The following UNC13D variants were observed in gnomAD, a reference collection of about 807,000 sequenced individuals.
UNC13D encodes protein unc-13 homolog D.
UNC13D carries 115 observed loss-of-function variants against 151.7 expected under a neutral mutation model. The ratio of observed to expected loss-of-function variants is 0.76; its 90% confidence interval spans 0.65 to 0.88. The LOEUF is 0.88. Ranked by LOEUF, UNC13D falls within the 40% of genes least tolerant of loss-of-function variation. The pLI is 0.00. For missense variants in UNC13D, 1,369 were observed against 1,438.7 expected (o/e 0.95, Z 0.78); for synonymous variants, 588 against 612.2 (o/e 0.96, Z 0.58).
In UNC13D at chr17:75,836,792, C is replaced by G; in HGVS notation, c.1173+9G>C. 2 of 1,613,856 alleles carry G rather than the reference C, an allele frequency of 1.2e-6. No individual in the cohort carries two copies. The highest frequency in any genetic ancestry group is 1.7e-6 in the Non-Finnish European group (2 of 1,180,024). On this transcript the variant is annotated intron_variant, in intron 13 of 31. Coordinates refer to ENST00000207549, the MANE Select transcript of UNC13D (RefSeq NM_199242.3). ...GCCTGCTCAGTGCCCCTTGCCACTG[C>G]ATGCCTACCTGTTCTGCCTTGAGCC...
chr17:75,830,631 C>T lies in UNC13D; in HGVS notation c.2656G>A (p.Ala886Thr), dbSNP rs1422010705. The T allele has an allele frequency of 6.4e-7, 1 of 1,555,954 alleles. No homozygotes were observed. Among genetic ancestry groups the T allele is most frequent in the African/African-American group, 1.4e-5 (1 of 73,404 alleles). ...TTCCGGATGAGTTCCCGGCTGGAGG[C>T]CGCCTGCAGCTCCAGGTCCCTCTGC... ...ALQRDLELQA[A>T]SSRELIRKYF... The change falls in exon 28 of 32, where the codon GCC becomes ACC. Residue 886 changes from alanine to threonine, a missense_variant. By Grantham distance (58) the Ala-to-Thr change is moderately conservative. Transcript: ENST00000207549.
chr17:75,839,008 G>A (rs778120756), intron 12 of UNC13D, among the ~76,000 whole-genome samples: 28 of 152,160 alleles, frequency 1.8e-4, no homozygotes, highest in South Asian at 1.2e-3. Flanking sequence ...GCTGAGGCAG[G>A]AGAATGGCGT....
intron 27 of UNC13D, 61 bp downstream of exon 27, chr17:75,831,037 G>A: frequency 3.1e-6 from 5 of 1,593,612 alleles, no homozygotes; most frequent in Non-Finnish European, 2.6e-6. Flanking sequence ...CTGGACATAG[G>A]TGAGTGCCAA....
Position 75,827,805 on chromosome 17 carries a change from G to T in UNC13D, c.*160C>A. The T allele has an allele frequency of 6.7e-7, 1 of 1,483,480 alleles. No individual in the cohort carries two copies. Among genetic ancestry groups the T allele is most frequent in the South Asian group, 1.3e-5 (1 of 76,730 alleles). The allele number at this position is 1,483,480 out of a possible 1,614,324, so 91.9% of individuals were successfully genotyped here. A position where few individuals can be genotyped will look rare whatever the true frequency, so the allele number is the denominator to read the frequency against. On this transcript the variant is annotated 3_prime_UTR_variant, in exon 32 of 32. Coordinates refer to ENST00000207549, the MANE Select transcript of UNC13D (RefSeq NM_199242.3). The stretch of plus-strand genomic sequence containing the variant: ...CGCTGCTGAGCCCCCATCACCATGG[G>T]AGGCAGGGGAGGTCTGCACTCTGGG...
At chr17:75,834,560 C>T in intron 22 of UNC13D, 29 bp from the exon 23 acceptor site, 2 of 1,609,178 alleles carry the variant, frequency 1.2e-6, no homozygotes, top group Non-Finnish European at 1.7e-6. Flanking sequence ...GCTTCCTGAA[C>T]TGTGCCCAGG....
chr17:75,838,518 C>T (rs972508656), intron 12 of UNC13D, among the ~76,000 whole-genome samples: 1 of 151,876 alleles, frequency 6.6e-6, no homozygotes, highest in Non-Finnish European at 1.5e-5. Flanking sequence ...CGTGCCCGGC[C>T]GGCTATGTCC....
At chr17:75,835,120 C>G (rs1470395974) in intron 20 of UNC13D, 57 bp from the exon 21 acceptor site, 2 of 1,603,608 alleles carry the variant, frequency 1.2e-6, no homozygotes, top group Non-Finnish European at 1.7e-6. Context: ...TCCCTCCTTC[C>G]TTCATTCATA....
intron 6 of UNC13D, 84 bp downstream of exon 6, chr17:75,842,349 G>T: frequency 1.3e-6 from 2 of 1,534,648 alleles, no homozygotes; most frequent in South Asian, 2.5e-5. Flanking sequence ...GAGCCAGGAC[G>T]ACCTACTCAT....
chr17:75,843,532 G>A lies in UNC13D; in HGVS notation c.118-13C>T. 1.2e-6 allele frequency: 2 copies of A among 1,611,236 alleles called. No individual in the cohort carries two copies. Among genetic ancestry groups the A allele is most frequent in the Non-Finnish European group, 1.7e-6 (2 of 1,179,256 alleles). On this transcript the variant is annotated splice_polypyrimidine_tract_variant and intron_variant, in intron 1 of 31. Coordinates refer to ENST00000207549, the MANE Select transcript of UNC13D (RefSeq NM_199242.3). ...ATGGAGGCTGGATCTGCAGAGCAAG[G>A]TGGAAAGGCAGTGTCCCGGGAGGCC... is the stretch of plus-strand genomic sequence containing the variant.
Position 75,841,135 on chromosome 17 carries a change from CTT to C in UNC13D, c.570-136_570-135del, listed in dbSNP as rs34691954. 0.091 allele frequency: 24,826 copies of C among 273,110 alleles called. 154 individuals are homozygous for C. Among genetic ancestry groups the C allele is most frequent in the African/African-American group, 0.2 (4,261 of 21,148 alleles). 16.9% of individuals were successfully genotyped at this position (273,110 alleles called of 1,614,324 possible). A position where few individuals can be genotyped will look rare whatever the true frequency, so the allele number is the denominator to read the frequency against. ...AACTTCCCTCCTCCCAGCCGCATCCCTTTTTTTTTTTTTTTTTTTTTTTTTGA... is the reference window on the plus strand; with the variant it reads ...AACTTCCCTCCTCCCAGCCGCATCCCTTTTTTTTTTTTTTTTTTTTTTTGA... On this transcript the variant is annotated intron_variant, in intron 6 of 31. Coordinates refer to ENST00000207549, the MANE Select transcript of UNC13D (RefSeq NM_199242.3).
Position 75,843,028 on chromosome 17 carries a change from C to T in UNC13D, c.307G>A (p.Val103Ile), listed in dbSNP as rs1185941307. The change falls in exon 4 of 32, where the codon GTC (valine) becomes ATC (isoleucine). Residue 103 changes from valine (V) to isoleucine (I), a missense_variant. By Grantham distance (29) the Val-to-Ile change is conservative (BLOSUM62 3). This residue lies in a region of UNC13D where 550 missense variants were observed against 609.0 expected (regional missense o/e 0.90). Transcript: ENST00000207549. ...PEEHQQTLQR[V>I]RELEKPIFCL... ...CCCCAGGTTACCTCAAGCTCCCTGA[C>T]CCGCTGCAGTGTCTGCTGGTGCTCC... is the stretch of plus-strand genomic sequence containing the variant. The T allele has an allele frequency of 6.2e-7, 1 of 1,611,640 alleles. No homozygotes were observed. The highest frequency in any genetic ancestry group is 8.5e-7 in the Non-Finnish European group (1 of 1,179,800).
Position 75,840,017 on chromosome 17 carries a change from C to T in UNC13D, c.951+1G>A. On this transcript the variant is annotated splice_donor_variant, in intron 11 of 31. Coordinates refer to ENST00000207549, the MANE Select transcript of UNC13D (RefSeq NM_199242.3). LOFTEE classifies it high-confidence loss of function. This position sits in a 1 kb window ranked among gnomAD's most constrained non-coding sequence, Gnocchi z 4.6. ...TGCGCCCAGCCCCAGGAGGGCAATA[C>T]CTCGTGCTGGGTGACCTCGTGGGAC... 6.2e-7 allele frequency: 1 copy of T among 1,613,594 alleles called. No homozygotes were observed. Among genetic ancestry groups the T allele is most frequent in the Non-Finnish European group, 8.5e-7 (1 of 1,179,956 alleles).
chr17:75,841,129 G>A (rs1313334592), intron 6 of UNC13D, 128 bp from the exon 7 acceptor site: 9 of 614,736 alleles, frequency 1.5e-5, no homozygotes, highest in Admixed American at 2.9e-5. Context: ...CCTCCCAGCC[G>A]CATCCCTTTT....
chr17:75,840,811 A>C lies in UNC13D; in HGVS notation c.634T>G (p.Ser212Ala), dbSNP rs1415407939. 1.3e-5 allele frequency: 21 copies of C among 1,613,548 alleles called. 1 individual carries two copies. Among genetic ancestry groups the C allele is most frequent in the Admixed American group, 5.0e-5 (3 of 59,954 alleles). The change falls in exon 8 of 32, where the codon TCT becomes GCT. Residue 212 changes from serine (S) to alanine (A), a missense_variant. This residue lies in a region of UNC13D where 550 missense variants were observed against 609.0 expected (regional missense o/e 0.90). Transcript: ENST00000207549. The surrounding 1 kb of genome is among the most constrained non-coding windows in gnomAD (Gnocchi z 4.6). The part of the protein sequence containing the change: ...LDMWDLDTVE[S>A]VRQKLGELTD... Reference sequence around the variant, plus strand: ...AGCTCCCCAAGCTTCTGTCGGACAGACTCCACAGTGTCCAGGTCCCTGGCA... The same window carrying C: ...AGCTCCCCAAGCTTCTGTCGGACAGCCTCCACAGTGTCCAGGTCCCTGGCA...
chr17:75,837,665 A>G (rs1167013157), intron 12 of UNC13D, among the ~76,000 whole-genome samples: 1 of 150,950 alleles, frequency 6.6e-6, no homozygotes, highest in Non-Finnish European at 1.5e-5. Context: ...GAGACAAGAG[A>G]ATCACTTGAA....
chr17:75,842,303 C>T, intron 6 of UNC13D, 130 bp downstream of exon 6: 1 of 1,299,554 alleles, frequency 7.7e-7, no homozygotes, highest in Admixed American at 2.5e-5. Flanking sequence ...ATGGGCTTCT[C>T]CTCTAGTCTT....
rs577926466 is a variant in UNC13D at position 75,827,659 on chromosome 17, C to G, written c.*306G>C. ...GCCAGGAGACAGATGGCCCAATCCCCTGCCCACCACAGCAGCTTTTCTGAG... is the reference window on the plus strand; with the variant it reads ...GCCAGGAGACAGATGGCCCAATCCCGTGCCCACCACAGCAGCTTTTCTGAG... On this transcript the variant is annotated 3_prime_UTR_variant, in exon 32 of 32. Transcript: ENST00000207549. 6.5e-7 allele frequency: 1 copy of G among 1,530,088 alleles called. No homozygotes were observed. Among genetic ancestry groups the G allele is most frequent in the Admixed American group, 2.0e-5 (1 of 50,776 alleles). 94.8% of individuals were successfully genotyped at this position (1,530,088 alleles called of 1,614,324 possible). A position where few individuals can be genotyped will look rare whatever the true frequency, so the allele number is the denominator to read the frequency against.
intron 1 of UNC13D, chr17:75,843,872 C>T (rs1453326126): frequency 7.3e-7 from 1 of 1,371,658 alleles, no homozygotes; most frequent in Non-Finnish European, 9.4e-7. Context: ...CCACGTCGGC[C>T]TGGGGGTCTG....
intron 31 of UNC13D, among the ~76,000 whole-genome samples, chr17:75,828,497 C>A (rs749056379): frequency 6.6e-6 from 1 of 152,230 alleles, no homozygotes; most frequent in Non-Finnish European, 1.5e-5. Flanking sequence ...AGCATCAGAC[C>A]GTTGCTGGTA....
Sources: gnomAD v4.1 joint callset for allele counts (sites outside exome capture counted in the v4.1 genomes callset) on GRCh38, gnomAD v4.1.1 for gene constraint, gnomAD v4.1.1 regional missense constraint, Gnocchi (gnomAD v3.1) non-coding constraint, MANE v1.5 for transcripts, NCBI Gene and HGNC (gene_info 2026-07-23, HGNC 2026-07-21) for gene names.